Variants in TERB2 observed in about 807,000 individuals in gnomAD.
TERB2 encodes the protein telomere repeats-binding bouquet formation protein 2.
TERB2 carries 26 observed loss-of-function variants against 29.8 expected under a neutral mutation model. The observed-to-expected ratio is 0.87, with a 90% confidence interval of 0.64 to 1.21. The LOEUF (loss-of-function observed/expected upper bound fraction) is 1.21. Among genes scored for constraint, TERB2 ranks in the 50% most tolerant of loss-of-function variants. The pLI, the probability that TERB2 is intolerant of heterozygous loss-of-function variation, is 0.00. For missense variants in TERB2, 240 were observed against 268.6 expected (o/e 0.89, Z 0.74); for synonymous variants, 80 against 90.8 (o/e 0.88, Z 0.68).
At chr15:44,965,597 T>G (rs1891876994) in intron 4 of TERB2, among the ~76,000 whole-genome samples, 1 of 144,212 alleles carries the variant, frequency 6.9e-6, no homozygotes, top group South Asian at 2.1e-4. Context: ...TCATATAGAT[T>G]TATATATTTA....
intron 6 of TERB2, among the ~76,000 whole-genome samples, chr15:44,975,410 G>A (rs113050775): frequency 0.017 from 2,516 of 152,048 alleles, 22 homozygotes; most frequent in Middle Eastern, 0.031. Flanking sequence ...GTGACTAAGA[G>A]TACTAATTTA....
chr15:44,964,991 G>A (rs1217750198), intron 4 of TERB2, among the ~76,000 whole-genome samples: 2 of 151,536 alleles, frequency 1.3e-5, no homozygotes, highest in East Asian at 1.9e-4. Context: ...GCAAAACCCC[G>A]TCTCTACTAA....
At chr15:44,967,162 C>T (rs71478349) in intron 5 of TERB2, among the ~76,000 whole-genome samples, 1 of 152,210 alleles carries the variant, frequency 6.6e-6, no homozygotes, top group Admixed American at 6.5e-5. Flanking sequence ...GTATTAGGAA[C>T]AGTTTATAAG....
chr15:44,978,926 C>T lies in TERB2; in HGVS notation c.*298C>T, dbSNP rs1248904823. On this transcript the variant is annotated 3_prime_UTR_variant, in exon 7 of 7. Coordinates refer to ENST00000340827, the MANE Select transcript of TERB2 (RefSeq NM_152448.3). ...TCAAACTCTCCATCTCTCAATCCTC[C>T]TCCTCCTCCTCTTTCTTGCTTTCTC... The T allele has an allele frequency of 1.2e-5, 2 of 173,888 alleles. No homozygotes were observed. The highest frequency in any genetic ancestry group is 4.7e-5 in the African/African-American group (2 of 42,260). The allele number at this position is 173,888 out of a possible 1,614,324, so 10.8% of individuals were successfully genotyped here. A position where few individuals can be genotyped will look rare whatever the true frequency, so the allele number is the denominator to read the frequency against.
chr15:44,962,861 T>G (rs970520779), intron 4 of TERB2: 31 of 152,074 alleles, frequency 2.0e-4, no homozygotes, highest in African/African-American at 6.8e-4. Context: ...ATACTAAAAT[T>G]GGAACAATAC....
In TERB2 at chr15:44,958,331, T is replaced by A. The variant is rs201953282; in HGVS notation, c.147-42T>A. ...TCTTTTGAAAGGTTAAATACATTCTTGTTTCTTTCATAACCTAAAATATTT... is the reference window on the plus strand; with the variant it reads ...TCTTTTGAAAGGTTAAATACATTCTAGTTTCTTTCATAACCTAAAATATTT... On this transcript the variant is annotated intron_variant, in intron 2 of 6. Transcript: ENST00000340827. The A allele has an allele frequency of 5.1e-6, 8 of 1,558,228 alleles. No individual in the cohort carries two copies. The Middle Eastern group carries it at 5.2e-4, about 101-fold the overall frequency.
intron 6 of TERB2, among the ~76,000 whole-genome samples, chr15:44,974,640 T>C (rs1892017445): frequency 1.3e-5 from 2 of 152,134 alleles, no homozygotes; most frequent in South Asian, 2.1e-4. Context: ...TTGAGTGAGA[T>C]GGATATTTAG....
chr15:44,961,902 G>A (rs1464368863), intron 4 of TERB2, among the ~76,000 whole-genome samples: 5 of 152,102 alleles, frequency 3.3e-5, no homozygotes, highest in African/African-American at 1.2e-4. Context: ...GTTTCACCAT[G>A]TTGGCCAGGC....
intron 6 of TERB2, among the ~76,000 whole-genome samples, chr15:44,976,835 C>G (rs1158575875): frequency 6.6e-6 from 1 of 152,164 alleles, no homozygotes; most frequent in South Asian, 2.1e-4. Flanking sequence ...CTGATTTGAA[C>G]CGGGCTAACT....
chr15:44,966,833 G>T (rs543327314), intron 5 of TERB2, among the ~76,000 whole-genome samples: 1 of 152,070 alleles, frequency 6.6e-6, no homozygotes, highest in Non-Finnish European at 1.5e-5. Flanking sequence ...GCATTGTGCC[G>T]CATGCTTGTA....
intron 5 of TERB2, among the ~76,000 whole-genome samples, chr15:44,966,929 C>T (rs751246857): frequency 1.3e-4 from 20 of 152,186 alleles, no homozygotes; most frequent in South Asian, 2.1e-4. Flanking sequence ...GGATACCCCA[C>T]CTCTATAAAA....
At chr15:44,968,972 C>T (rs780677038) in intron 5 of TERB2, among the ~76,000 whole-genome samples, 17 of 151,972 alleles carry the variant, frequency 1.1e-4, no homozygotes, top group Non-Finnish European at 2.2e-4. Context: ...CTGTGTCACC[C>T]AAGCTGCAGT....
At position 44,966,198 on chromosome 15, in the gene TERB2, A is replaced by C; in HGVS notation, c.389A>C (p.Glu130Ala). 1 of 1,563,528 alleles carries C rather than the reference A, an allele frequency of 6.4e-7. No homozygotes were observed. The highest frequency in any genetic ancestry group is 1.2e-5 in the South Asian group (1 of 81,274). Residue 130 changes from glutamate to alanine, a missense_variant, in exon 5 of 7, where the codon GAA becomes GCA. By Grantham distance (107) the Glu-to-Ala change is moderately radical. Coordinates refer to ENST00000340827, the MANE Select transcript of TERB2 (RefSeq NM_152448.3). Reference sequence around the variant, plus strand: ...CCAAATGAAATAAAGACCCTTAGGGAAAACAGTGAACTAGCAACAGAGCAC... The same window carrying C: ...CCAAATGAAATAAAGACCCTTAGGGCAAACAGTGAACTAGCAACAGAGCAC... ...VTPNEIKTLR[E>A]NSELATEHKK...
intron 4 of TERB2, among the ~76,000 whole-genome samples, chr15:44,962,345 C>T (rs1027808149): frequency 6.8e-6 from 1 of 147,930 alleles, no homozygotes; most frequent in Admixed American, 6.7e-5. Flanking sequence ...CCAAGCCCAG[C>T]TATTTTTTTT....
rs34640759 is a variant in TERB2, at chr15:44,961,191, G to GATATATATATAT, written c.287-318_287-307dup. On this transcript the variant is annotated intron_variant, in intron 3 of 6. Transcript: ENST00000340827. ...GAAGAGTGGATGAACATACCTCAAT[G>GATATATATATAT]ATATATATATATATATATATATATA... is the stretch of plus-strand genomic sequence containing the variant. Among the ~76,000 whole-genome samples, 356 of 136,176 alleles carry GATATATATATAT rather than the reference G, an allele frequency of 2.6e-3. 1 individual carries two copies. The highest frequency in any genetic ancestry group is 4.2e-3 in the Middle Eastern group (1 of 240). 89.3% of individuals were successfully genotyped at this position (136,176 alleles called of 152,430 possible). A position where few individuals can be genotyped will look rare whatever the true frequency, so the allele number is the denominator to read the frequency against.
At chr15:44,964,345 G>GT (rs769805173) in intron 4 of TERB2, among the ~76,000 whole-genome samples, 67 of 150,832 alleles carry the variant, frequency 4.4e-4, no homozygotes, top group African/African-American at 1.4e-3. Context: ...AGTTCTTTCA[G>GT]TTTTTTTTTC....
intron 5 of TERB2, among the ~76,000 whole-genome samples, chr15:44,969,841 T>C (rs1175456274): frequency 6.6e-6 from 1 of 151,254 alleles, no homozygotes; most frequent in Admixed American, 6.6e-5. Context: ...TTTCTTAGAA[T>C]ATGGAGCTGG....
At chr15:44,972,915 T>C (rs1441799848) in intron 5 of TERB2, among the ~76,000 whole-genome samples, 1 of 150,806 alleles carries the variant, frequency 6.6e-6, no homozygotes, top group Non-Finnish European at 1.5e-5. Flanking sequence ...TGGAGTCTCG[T>C]TCTGTTGCCC....
chr15:44,965,588 C>T (rs549612592), intron 4 of TERB2, among the ~76,000 whole-genome samples: 2,339 of 135,508 alleles, frequency 0.017, 18 homozygotes, highest in Middle Eastern at 0.032. Context: ...ATCTATATAT[C>T]ATATAGATTT....
Sources: allele counts gnomAD v4.1 joint callset (sites outside exome capture counted in the v4.1 genomes callset), GRCh38; gene constraint gnomAD v4.1.1; transcripts MANE v1.5; gene names NCBI Gene and HGNC (gene_info 2026-07-23, HGNC 2026-07-21).